NCAPH: variants seen among roughly 807,000 people sequenced by gnomAD.
NCAPH encodes non-SMC condensin I complex subunit H.
A neutral mutation model predicts 85.5 loss-of-function variants in NCAPH; 38 were observed. The observed-to-expected ratio is 0.44, with a 90% confidence interval of 0.34 to 0.58. The LOEUF (loss-of-function observed/expected upper bound fraction) is 0.58, where lower values mean the gene tolerates loss of function less well. NCAPH is among the 20% of genes least tolerant of loss of function. The pLI, the probability that NCAPH is intolerant of heterozygous loss-of-function variation, is 0.01. For missense variants in NCAPH, 789 were observed against 916.6 expected (o/e 0.86, Z 1.80); for synonymous variants, 301 against 335.1 (o/e 0.90, Z 1.11).
At chr2:96,338,579 G>C (rs1449119846) in intron 1 of NCAPH, among the ~76,000 whole-genome samples, 1 of 152,212 alleles carries the variant, frequency 6.6e-6, no homozygotes, top group African/African-American at 2.4e-5. Flanking sequence ...TCATCTGGGT[G>C]GGCCCAGTTT....
Position 96,371,230 on chromosome 2 carries a change from TG to T in NCAPH, c.2166+1732del, listed in dbSNP as rs2104508630. On this transcript the variant is annotated intron_variant, in intron 17 of 17. Transcript: ENST00000240423. ...CTGGAATCTCATTCGCACACCATCC[TG>T]GTGGAAATAGGTGCTGGTGACTCTC... Among the ~76,000 whole-genome samples the T allele has an allele frequency of 4.6e-5, 7 of 152,250 alleles. No homozygotes were observed. In the South Asian group the frequency reaches 1.5e-3, roughly 32 times the overall value.
intron 17 of NCAPH, among the ~76,000 whole-genome samples, chr2:96,372,355 A>G (rs951165077): frequency 6.6e-6 from 1 of 151,178 alleles, no homozygotes; most frequent in Non-Finnish European, 1.5e-5. Flanking sequence ...GTAGTCCCCT[A>G]GTTTCCATGG....
intron 6 of NCAPH, among the ~76,000 whole-genome samples, chr2:96,348,661 A>AT (rs1346147548): frequency 6.7e-6 from 1 of 148,254 alleles, no homozygotes; most frequent in African/African-American, 2.5e-5. Context: ...CATTATTATT[A>AT]TTATTTTTTT....
chr2:96,365,616 G>A (rs1025128665), intron 13 of NCAPH, among the ~76,000 whole-genome samples: 1 of 152,086 alleles, frequency 6.6e-6, no homozygotes, highest in Non-Finnish European at 1.5e-5. Flanking sequence ...GCTGAAGGGG[G>A]GACATAGTGG....
chr2:96,370,547 G>T (rs769617606), intron 17 of NCAPH, among the ~76,000 whole-genome samples: 1 of 152,194 alleles, frequency 6.6e-6, no homozygotes, highest in Non-Finnish European at 1.5e-5. Context: ...AGTTGCCCTG[G>T]CCTGTGTGGC....
rs1198042273 is a variant in NCAPH, at chr2:96,337,451, G to A, written c.19+1603G>A. On this transcript the variant is annotated intron_variant, in intron 1 of 17. Coordinates refer to ENST00000240423, the MANE Select transcript of NCAPH (RefSeq NM_015341.5). Reference sequence around the variant, plus strand: ...TTTGTTTTTTTTGAGACGGAGTCTCGCTCTATCGCCCAGGCTGGAGTGCAG... The same window carrying A: ...TTTGTTTTTTTTGAGACGGAGTCTCACTCTATCGCCCAGGCTGGAGTGCAG... 2.6e-5 allele frequency among the ~76,000 whole-genome samples: 4 copies of A among 152,066 alleles called. No homozygotes were observed. In the East Asian group the frequency reaches 5.8e-4, roughly 22 times the overall value.
chr2:96,361,419 C>T lies in NCAPH; in HGVS notation c.1587+709C>T, dbSNP rs1573088488. On this transcript the variant is annotated intron_variant, in intron 12 of 17. Coordinates refer to ENST00000240423, the MANE Select transcript of NCAPH (RefSeq NM_015341.5). ...TGCTTTATACAGTGAGGTTGCCTTA[C>T]TCATGATCCAAGTCGAAGCGAGCCC... Among the ~76,000 whole-genome samples, 4 of 152,100 alleles carry T rather than the reference C, an allele frequency of 2.6e-5. No homozygotes were observed. The East Asian group carries it at 7.7e-4, about 29-fold the overall frequency.
Position 96,369,429 on chromosome 2 carries a change from C to A in NCAPH, c.2095C>A (p.Pro699Thr). The change falls in exon 17 of 18, where the codon CCC becomes ACC. Residue 699 changes from proline to threonine, a missense_variant. Coordinates refer to ENST00000240423, the MANE Select transcript of NCAPH (RefSeq NM_015341.5). Reference protein sequence around the residue: ...GLTKDLQRSLPPVMAQNLSIP... With the variant: ...GLTKDLQRSLTPVMAQNLSIP... ...TACTTGCCCCTTTCTTTCCAGCCTGCCCCCTGTCATGGCTCAGAACCTCTC... is the reference window on the plus strand; with the variant it reads ...TACTTGCCCCTTTCTTTCCAGCCTGACCCCTGTCATGGCTCAGAACCTCTC... 6.2e-7 allele frequency: 1 copy of A among 1,613,908 alleles called. No homozygotes were observed.
chr2:96,375,867 G>A lies in NCAPH; in HGVS notation c.*2516G>A, dbSNP rs979539176. 6.6e-6 allele frequency among the ~76,000 whole-genome samples: 1 copy of A among 152,086 alleles called. No homozygotes were observed. Among genetic ancestry groups the A allele is most frequent in the African/African-American group, 2.4e-5 (1 of 41,396 alleles). On this transcript the variant is annotated 3_prime_UTR_variant, in exon 18 of 18. Transcript: ENST00000240423. ...AGGACTGGGGGAAAAGAGAACTGCT[G>A]CTCCCTGTTAAATCAGTTTCCTGGG... is the stretch of plus-strand genomic sequence containing the variant.
At chr2:96,355,991 T>C (rs1187015988) in intron 9 of NCAPH, among the ~76,000 whole-genome samples, 1 of 152,176 alleles carries the variant, frequency 6.6e-6, no homozygotes, top group Non-Finnish European at 1.5e-5. Flanking sequence ...CTTAAAAACA[T>C]CATTTTCAAA....
chr2:96,360,522 A>T (rs565253619), intron 11 of NCAPH, 66 bp from the exon 12 acceptor site: 10 of 1,580,734 alleles, frequency 6.3e-6, no homozygotes, highest in Non-Finnish European at 8.7e-6. Flanking sequence ...AGACTGCTTT[A>T]AAAAAAGTAA....
chr2:96,342,020 C>T (rs954291645), intron 2 of NCAPH, 30 bp from the exon 3 acceptor site: 25 of 1,604,404 alleles, frequency 1.6e-5, no homozygotes, highest in Non-Finnish European at 2.1e-5. Context: ...GGATTCTTGC[C>T]AGAGTTGTTT....
At chr2:96,364,829 T>A (rs2064672543) in intron 13 of NCAPH, among the ~76,000 whole-genome samples, 1 of 152,218 alleles carries the variant, frequency 6.6e-6, no homozygotes, top group Non-Finnish European at 1.5e-5. Flanking sequence ...ATGGCCACAC[T>A]CAAGTGAATG....
At chr2:96,342,309 G>A (rs2064306727) in intron 3 of NCAPH, among the ~76,000 whole-genome samples, 169 bp downstream of exon 3, 1 of 152,196 alleles carries the variant, frequency 6.6e-6, no homozygotes, top group Non-Finnish European at 1.5e-5. Flanking sequence ...CACCTCCTGA[G>A]AGGCTGCCAG....
chr2:96,364,651 T>C, intron 13 of NCAPH, 60 bp downstream of exon 13: 3 of 1,204,550 alleles, frequency 2.5e-6, no homozygotes, highest in South Asian at 1.3e-5. Flanking sequence ...TTTTCTCTGC[T>C]TCTCATGTCC....
At position 96,359,154 on chromosome 2, in the gene NCAPH, G is replaced by C. The variant is rs774704518; in HGVS notation, c.1318G>C (p.Ala440Pro). Residue 440 changes from alanine to proline, a missense_variant, in exon 10 of 18, where the codon GCT becomes CCT. Transcript: ENST00000240423. ...YFSPRTMSMW[A>P]GPDHWRFRPR... ...CAGTCCTCGGACCATGTCGATGTGG[G>C]CTGGCCCGGATCACTGGCGCTTTAG... 7 of 1,614,206 alleles carry C rather than the reference G, an allele frequency of 4.3e-6. No homozygotes were observed. In the South Asian group the frequency reaches 7.7e-5, roughly 18 times the overall value.
chr2:96,349,700 T>C (rs2064411312), intron 6 of NCAPH, among the ~76,000 whole-genome samples: 1 of 152,160 alleles, frequency 6.6e-6, no homozygotes, highest in African/African-American at 2.4e-5. Context: ...AAAGCAAATG[T>C]GTGGGTGTGT....
In NCAPH at chr2:96,341,774, T is replaced by A. The variant is rs932850197; in HGVS notation, c.152T>A (p.Val51Asp). The part of the protein sequence containing the change: ...KAPLNIPGTP[V>D]LEDFPQNDDE... Reference sequence around the variant, plus strand: ...CCTCTCAATATTCCTGGCACCCCAGTCCTCGAAGACTTTCCTCAGAATGAC... The same window carrying A: ...CCTCTCAATATTCCTGGCACCCCAGACCTCGAAGACTTTCCTCAGAATGAC... Residue 51 changes from valine to aspartate, a missense_variant, in exon 2 of 18, where the codon GTC becomes GAC. Transcript: ENST00000240423. 6.2e-7 allele frequency: 1 copy of A among 1,614,148 alleles called. No homozygotes were observed.
intron 6 of NCAPH, among the ~76,000 whole-genome samples, chr2:96,345,169 G>A (rs576337327): frequency 1.3e-5 from 2 of 152,320 alleles, no homozygotes; most frequent in African/African-American, 2.4e-5. Flanking sequence ...CCAGAAGAGC[G>A]TGGTATCCAA....
Sources: gnomAD v4.1 joint callset for allele counts (sites outside exome capture counted in the v4.1 genomes callset) on GRCh38, gnomAD v4.1.1 for gene constraint, MANE v1.5 for transcripts, NCBI Gene and HGNC (gene_info 2026-07-23, HGNC 2026-07-21) for gene names.